The following EXOC6B variants were observed in gnomAD, a reference collection of about 807,000 sequenced individuals.
The protein encoded by EXOC6B is exocyst complex component 6B.
EXOC6B carries 54 observed loss-of-function variants against 113.5 expected under a neutral mutation model. That is an observed-to-expected ratio of 0.48 (90% CI 0.38 to 0.60). EXOC6B has a LOEUF of 0.60. EXOC6B is among the 20% of genes least tolerant of loss of function. The pLI, the probability that EXOC6B is intolerant of heterozygous loss-of-function variation, is 0.00. For synonymous variants in EXOC6B, 357 were observed against 339.0 expected, an observed-to-expected ratio of 1.05 and a Z score of -0.58; for missense variants, 797 against 977.5, an observed-to-expected ratio of 0.82 and a Z score of 2.46.
chr2:72,514,906 C>A, intron 9 of EXOC6B, 137 bp downstream of exon 9: 1 of 802,090 alleles, frequency 1.2e-6, no homozygotes, highest in Non-Finnish European at 2.0e-6. Flanking sequence ...TACTGCAAGT[C>A]ACATCCACCA....
intron 1 of EXOC6B, among the ~76,000 whole-genome samples, chr2:72,776,192 A>G (rs1218630337): frequency 6.6e-6 from 1 of 152,216 alleles, no homozygotes; most frequent in African/African-American, 2.4e-5. Flanking sequence ...CAATTAAGAA[A>G]CCAATACTAC....
rs1481032282 is a variant in EXOC6B at position 72,643,527 on chromosome 2, A to C, written c.670-67859T>G. ...CTATCGCAAGAACAAAAAACCAAAC[A>C]CCGCATATTCTCACTCATAGGTGGG... On this transcript the variant is annotated intron_variant, in intron 6 of 21. Coordinates refer to ENST00000272427, the MANE Select transcript of EXOC6B (RefSeq NM_015189.3). Among the ~76,000 whole-genome samples, 5 of 147,696 alleles carry C rather than the reference A, an allele frequency of 3.4e-5. No homozygotes were observed. In the South Asian group the frequency reaches 1.1e-3, roughly 32 times the overall value.
Position 72,771,163 on chromosome 2 carries a change from C to A in EXOC6B, c.114-29694G>T, listed in dbSNP as rs957546615. On this transcript the variant is annotated intron_variant, in intron 1 of 21. Transcript: ENST00000272427. ...TCAACTGCTGAAAACATTTCATACT[C>A]ATCACAAGCACAATAAAACACTCGC... 3.5e-4 allele frequency among the ~76,000 whole-genome samples: 53 copies of A among 152,144 alleles called. 1 individual carries two copies. Among genetic ancestry groups the A allele is most frequent in the African/African-American group, 1.2e-3 (51 of 41,440 alleles).
At chr2:72,567,323 T>G (rs916596797) in intron 7 of EXOC6B, among the ~76,000 whole-genome samples, 1 of 152,068 alleles carries the variant, frequency 6.6e-6, no homozygotes, top group African/African-American at 2.4e-5. Context: ...ACTTAATAAC[T>G]TTATTGCTTT....
At chr2:72,371,510 C>T (rs182426719) in intron 19 of EXOC6B, among the ~76,000 whole-genome samples, 5 of 152,100 alleles carry the variant, frequency 3.3e-5, no homozygotes, top group East Asian at 1.9e-4. Context: ...GATTTATCCC[C>T]GGGATGCAAG....
intron 6 of EXOC6B, among the ~76,000 whole-genome samples, chr2:72,665,534 G>A (rs930005123): frequency 2.0e-5 from 3 of 152,096 alleles, no homozygotes; most frequent in Admixed American, 1.3e-4. Flanking sequence ...AAAGAGATTG[G>A]AGGCCTATTT....
At chr2:72,546,276 C>T (rs1475114290) in intron 8 of EXOC6B, among the ~76,000 whole-genome samples, 3 of 152,128 alleles carry the variant, frequency 2.0e-5, no homozygotes, top group Admixed American at 6.5e-5. Context: ...TGGCAAAACC[C>T]CATCTCTACT....
At chr2:72,237,908 C>T (rs1336119990) in intron 20 of EXOC6B, among the ~76,000 whole-genome samples, 1 of 151,672 alleles carries the variant, frequency 6.6e-6, no homozygotes, top group East Asian at 1.9e-4. Context: ...TTTTTAACAG[C>T]TTAGTTAAAA....
chr2:72,373,334 C>T (rs1008388123), intron 19 of EXOC6B, among the ~76,000 whole-genome samples: 21 of 152,078 alleles, frequency 1.4e-4, no homozygotes, highest in South Asian at 4.1e-4. Context: ...GGATTATAGG[C>T]ATGAGCCACC....
chr2:72,529,187 G>A (rs1490387429), intron 8 of EXOC6B, among the ~76,000 whole-genome samples: 2 of 152,080 alleles, frequency 1.3e-5, no homozygotes, highest in Non-Finnish European at 2.9e-5. Context: ...CGGGGTTTTG[G>A]CATGTTTTTT....
chr2:72,548,016 T>A (rs773145748), intron 8 of EXOC6B, among the ~76,000 whole-genome samples: 1 of 152,162 alleles, frequency 6.6e-6, no homozygotes, highest in Non-Finnish European at 1.5e-5. Flanking sequence ...AATGATTCCA[T>A]AAAATACTTC....
intron 20 of EXOC6B, among the ~76,000 whole-genome samples, chr2:72,256,565 CT>C (rs1237154900): frequency 6.6e-6 from 1 of 152,136 alleles, no homozygotes; most frequent in Non-Finnish European, 1.5e-5. Context: ...GTTGCTAGTT[CT>C]GTAAAACTGA....
rs1671178828 is a variant in EXOC6B, at chr2:72,613,120, AT to A, written c.670-37453del. ...AAATCAGAGTTAAATATTTCGATGT[AT>A]TTTTTGACTTAATGATCAGTGTTCA... is the stretch of plus-strand genomic sequence containing the variant. On this transcript the variant is annotated intron_variant, in intron 6 of 21. Transcript: ENST00000272427. 2.0e-5 allele frequency among the ~76,000 whole-genome samples: 3 copies of A among 152,324 alleles called. No individual in the cohort carries two copies. The South Asian group carries it at 6.2e-4, about 32-fold the overall frequency.
At chr2:72,520,863 T>C (rs914325626) in intron 8 of EXOC6B, among the ~76,000 whole-genome samples, 3 of 152,178 alleles carry the variant, frequency 2.0e-5, no homozygotes, top group South Asian at 4.1e-4. Flanking sequence ...TATGGCACTA[T>C]TATTTTGAAT....
intron 20 of EXOC6B, among the ~76,000 whole-genome samples, chr2:72,229,093 A>G (rs1221622986): frequency 6.6e-6 from 1 of 152,028 alleles, no homozygotes; most frequent in Admixed American, 6.6e-5. Context: ...CATATCCTTC[A>G]CCCACTTTTT....
rs906247237 is a variant in EXOC6B, at chr2:72,548,039, G to A, written c.915+11414C>T. Among the ~76,000 whole-genome samples, 3 of 151,888 alleles carry A rather than the reference G, an allele frequency of 2.0e-5. No homozygotes were observed. In the South Asian group the frequency reaches 6.2e-4, roughly 32 times the overall value. On this transcript the variant is annotated intron_variant, in intron 8 of 21. Transcript: ENST00000272427. ...CATAAAATACTTCTACCTTTGCCCT[G>A]CACACTCCCACTGCATTATTTTATC...
In EXOC6B at chr2:72,825,724, C is replaced by T. The variant is rs1408628953; in HGVS notation, c.113+74G>A. 1 of 1,444,246 alleles carries T rather than the reference C, an allele frequency of 6.9e-7. No individual in the cohort carries two copies. 89.5% of individuals were successfully genotyped at this position (1,444,246 alleles called of 1,614,324 possible). A position where few individuals can be genotyped will look rare whatever the true frequency, so the allele number is the denominator to read the frequency against. On this transcript the variant is annotated intron_variant, in intron 1 of 21. Transcript: ENST00000272427. The surrounding 1 kb of genome is among the most constrained non-coding windows in gnomAD (Gnocchi z 4.4). ...GGCGCCGGACCTGGGGACAGCCGGC[C>T]GGAGGCCCGACCCAGAGGAGCCTGC... is the stretch of plus-strand genomic sequence containing the variant.
intron 20 of EXOC6B, among the ~76,000 whole-genome samples, chr2:72,242,301 T>A (rs1682365448): frequency 1.3e-5 from 2 of 152,212 alleles, no homozygotes; most frequent in South Asian, 4.1e-4. Flanking sequence ...ATAACCAATG[T>A]ATTCAGCAAC....
chr2:72,680,125 T>C (rs1676596631), intron 6 of EXOC6B, among the ~76,000 whole-genome samples: 1 of 152,186 alleles, frequency 6.6e-6, no homozygotes, highest in Non-Finnish European at 1.5e-5. Flanking sequence ...GAAAAAATGC[T>C]AACATTTGGG....
Sources: allele counts gnomAD v4.1 joint callset (sites outside exome capture counted in the v4.1 genomes callset), GRCh38; gene constraint gnomAD v4.1.1; non-coding constraint Gnocchi (gnomAD v3.1); transcripts MANE v1.5; gene names NCBI Gene and HGNC (gene_info 2026-07-23, HGNC 2026-07-21).